Variants in PSD3 observed in about 807,000 individuals in gnomAD.
The protein encoded by PSD3 is PH and SEC7 domain-containing protein 3.
Under a neutral mutation model 105.5 loss-of-function variants are expected in PSD3, and 49 were observed. The observed-to-expected ratio is 0.46, with a 90% CI of 0.37 to 0.59. The LOEUF (loss-of-function observed/expected upper bound fraction) is 0.59, where lower values mean the gene tolerates loss of function less well. Among genes scored for constraint, PSD3 ranks in the 20% least tolerant of loss-of-function variants. PSD3 has a pLI of 0.00. For synonymous variants in PSD3, 557 were observed against 457.8 expected (o/e 1.22, Z -2.77); for missense variants, 1,561 against 1,263.8 (o/e 1.24, Z -3.57).
intron 8 of PSD3, among the ~76,000 whole-genome samples, chr8:18,789,578 G>T (rs1259132255): frequency 6.6e-6 from 1 of 152,038 alleles, no homozygotes; most frequent in Non-Finnish European, 1.5e-5. Context: ...GCTATCCTGG[G>T]ACCAAAAAGT....
intron 4 of PSD3, among the ~76,000 whole-genome samples, chr8:18,816,667 T>G (rs1011914558): frequency 1.3e-5 from 2 of 152,222 alleles, no homozygotes; most frequent in African/African-American, 2.4e-5. Context: ...CTTGCCCTTG[T>G]GGACTTTTAC....
intron 10 of PSD3, among the ~76,000 whole-genome samples, chr8:18,642,080 T>A (rs534166574): frequency 3.0e-4 from 46 of 152,320 alleles, no homozygotes; most frequent in African/African-American, 1.1e-3. Context: ...AGAAAAATGC[T>A]GCCAGATATG....
chr8:18,654,960 C>G (rs967275880), intron 10 of PSD3, among the ~76,000 whole-genome samples: 1 of 152,024 alleles, frequency 6.6e-6, no homozygotes, highest in African/African-American at 2.4e-5. Context: ...ATACCAAAAC[C>G]ATTTGTATTA....
chr8:18,992,864 C>G (rs73666777), intron 1 of PSD3, among the ~76,000 whole-genome samples: 2 of 136,838 alleles, frequency 1.5e-5, no homozygotes, highest in African/African-American at 5.1e-5. Flanking sequence ...TTTCTAAGGT[C>G]CGTCTGAGCT....
intron 1 of PSD3, among the ~76,000 whole-genome samples, chr8:19,032,071 A>G (rs958709118): frequency 3.3e-5 from 5 of 152,174 alleles, no homozygotes; most frequent in African/African-American, 1.2e-4. Flanking sequence ...GAACACCTGG[A>G]GCGAGGGGAC....
At chr8:19,060,231 A>G (rs1245465738) in intron 1 of PSD3, among the ~76,000 whole-genome samples, 2 of 152,216 alleles carry the variant, frequency 1.3e-5, no homozygotes, top group Non-Finnish European at 2.9e-5. Flanking sequence ...AGGAAAATTG[A>G]AAAAGAGAAA....
chr8:18,991,096 C>A (rs957418519), intron 1 of PSD3, among the ~76,000 whole-genome samples: 1 of 152,076 alleles, frequency 6.6e-6, no homozygotes, highest in Non-Finnish European at 1.5e-5. Flanking sequence ...ACCAGAAACA[C>A]GGGTTTTACA....
At chr8:18,601,552 G>C (rs1270445459) in intron 11 of PSD3, among the ~76,000 whole-genome samples, 2 of 152,108 alleles carry the variant, frequency 1.3e-5, no homozygotes, top group East Asian at 3.9e-4. Flanking sequence ...AGGCAATCCT[G>C]CCAACACCAT....
At chr8:19,073,794 T>C (rs1469765219) in intron 1 of PSD3, among the ~76,000 whole-genome samples, 1 of 76,620 alleles carries the variant, frequency 1.3e-5, no homozygotes, top group Non-Finnish European at 3.8e-5. Context: ...GTTTTTTTCT[T>C]TTTCTTTTTT....
intron 9 of PSD3, among the ~76,000 whole-genome samples, chr8:18,675,736 T>G (rs1800031951): frequency 6.6e-6 from 1 of 152,214 alleles, no homozygotes; most frequent in South Asian, 2.1e-4. Flanking sequence ...GAATGATAGT[T>G]AAGGCAAAGC....
rs969225269 is a variant in PSD3, at chr8:18,642,821, G to A, written c.2217-10015C>T. Among the ~76,000 whole-genome samples, 4 of 152,178 alleles carry A rather than the reference G, an allele frequency of 2.6e-5. No homozygotes were observed. In the East Asian group the frequency reaches 7.7e-4, roughly 29 times the overall value. On this transcript the variant is annotated intron_variant, in intron 10 of 15. Coordinates refer to ENST00000327040, the MANE Select transcript of PSD3 (RefSeq NM_015310.4). ...ATCAAGAGAAATGCCACTTAGACAT[G>A]AAGCAAACAATGTATTGTCATTTTT...
intron 1 of PSD3, among the ~76,000 whole-genome samples, chr8:18,936,537 G>A (rs1367247538): frequency 6.6e-6 from 1 of 152,128 alleles, no homozygotes; most frequent in African/African-American, 2.4e-5. Flanking sequence ...GCCAAAGCAG[G>A]TGGATCACGA....
intron 11 of PSD3, among the ~76,000 whole-genome samples, chr8:18,604,504 A>G (rs1372153668): frequency 6.6e-6 from 1 of 151,846 alleles, no homozygotes; most frequent in Non-Finnish European, 1.5e-5. Context: ...GAAGCCGAGC[A>G]TAAATGTTTG....
chr8:19,045,158 C>T (rs921564747), intron 1 of PSD3, among the ~76,000 whole-genome samples: 5 of 151,734 alleles, frequency 3.3e-5, no homozygotes, highest in Non-Finnish European at 5.9e-5. Flanking sequence ...GCACTTCAGC[C>T]AGGGTGACGG....
intron 8 of PSD3, among the ~76,000 whole-genome samples, chr8:18,773,054 G>A (rs1250362735): frequency 2.6e-5 from 4 of 151,926 alleles, no homozygotes; most frequent in African/African-American, 4.8e-5. Flanking sequence ...TGTTTTTGTT[G>A]CCTGTGCTTT....
At chr8:18,891,983 A>C (rs1228177136) in intron 2 of PSD3, among the ~76,000 whole-genome samples, 1 of 152,208 alleles carries the variant, frequency 6.6e-6, no homozygotes, top group African/African-American at 2.4e-5. Flanking sequence ...CCCAACACAC[A>C]GTTAAAAGAA....
At chr8:18,545,338 C>A (rs1409032924) in intron 15 of PSD3, among the ~76,000 whole-genome samples, 1 of 152,140 alleles carries the variant, frequency 6.6e-6, no homozygotes, top group Non-Finnish European at 1.5e-5. Flanking sequence ...CCCACAAGGC[C>A]TCTGGCTCTG....
chr8:18,652,236 A>T (rs1808539222), intron 10 of PSD3, among the ~76,000 whole-genome samples: 1 of 152,144 alleles, frequency 6.6e-6, no homozygotes, highest in South Asian at 2.1e-4. Flanking sequence ...AACTTGGGAA[A>T]GAGGTCAGAG....
At chr8:18,585,779 C>T (rs931718879) in intron 12 of PSD3, among the ~76,000 whole-genome samples, 88 of 152,274 alleles carry the variant, frequency 5.8e-4, no homozygotes, top group African/African-American at 2.0e-3. Flanking sequence ...TTCTTTATAT[C>T]AACCATGCAA....
Sources: allele counts gnomAD v4.1 joint callset (sites outside exome capture counted in the v4.1 genomes callset), GRCh38; gene constraint gnomAD v4.1.1; transcripts MANE v1.5; gene names NCBI Gene and HGNC (gene_info 2026-07-23, HGNC 2026-07-21).